Variants in DAB1 observed in about 807,000 individuals in gnomAD.
DAB1 encodes DAB adaptor protein 1.
In DAB1, 15 loss-of-function variants were observed where a neutral mutation model predicts 64.6. The ratio of observed to expected loss-of-function variants is 0.23; its 90% CI spans 0.16 to 0.36. The LOEUF (loss-of-function observed/expected upper bound fraction) is 0.36, where lower values mean the gene tolerates loss of function less well. DAB1 is among the 10% of genes least tolerant of loss of function. The pLI is 1.00. For missense variants in DAB1, 596 were observed against 706.7 expected (o/e 0.84, Z 1.78); for synonymous variants, 235 against 251.9 (o/e 0.93, Z 0.64).
At chr1:57,221,325 A>G (rs1263263018) in intron 2 of DAB1, among the ~76,000 whole-genome samples, 3 of 152,224 alleles carry the variant, frequency 2.0e-5, no homozygotes, top group African/African-American at 7.2e-5. Flanking sequence ...GCAGCACACC[A>G]ACTTGGCACA....
chr1:58,511,792 CG>C (rs1472603443), intron 2 of DAB1, among the ~76,000 whole-genome samples: 2 of 152,074 alleles, frequency 1.3e-5, no homozygotes, highest in African/African-American at 4.8e-5. Context: ...AAGATTTAAA[CG>C]TAAGACCTAA....
At chr1:57,901,143 TG>T (rs1569952073) in intron 5 of DAB1, among the ~76,000 whole-genome samples, 1 of 152,158 alleles carries the variant, frequency 6.6e-6, no homozygotes, top group South Asian at 2.1e-4. Flanking sequence ...GCCTGAGAGT[TG>T]CAGCAAGTCT....
At chr1:57,760,578 T>C (rs1007053158) in intron 6 of DAB1, among the ~76,000 whole-genome samples, 1 of 151,266 alleles carries the variant, frequency 6.6e-6, no homozygotes, top group Non-Finnish European at 1.5e-5. Flanking sequence ...CTTCTACATA[T>C]AATTCTTTCT....
chr1:57,297,284 T>C (rs1673275030), intron 1 of DAB1, among the ~76,000 whole-genome samples: 1 of 152,156 alleles, frequency 6.6e-6, no homozygotes, highest in Non-Finnish European at 1.5e-5. Flanking sequence ...CCCCTCAAAA[T>C]TATTGAGCCA....
chr1:57,363,722 G>T (rs1474985550), intron 1 of DAB1, among the ~76,000 whole-genome samples: 1 of 152,160 alleles, frequency 6.6e-6, no homozygotes, highest in Non-Finnish European at 1.5e-5. Context: ...GAGAAATGCT[G>T]AGACGCCTCA....
intron 14 of DAB1, among the ~76,000 whole-genome samples, chr1:57,006,671 G>T (rs575589893): frequency 6.0e-4 from 91 of 152,226 alleles, no homozygotes; most frequent in African/African-American, 2.1e-3. Context: ...ACTTAGGTTG[G>T]ACTTGTCATT....
chr1:57,823,321 A>G (rs1652205326), downstream of DAB1, among the ~76,000 whole-genome samples: 1 of 152,076 alleles, frequency 6.6e-6, no homozygotes, highest in African/African-American at 2.4e-5. Flanking sequence ...AATAAAAACC[A>G]TATTTTAATC....
intron 7 of DAB1, among the ~76,000 whole-genome samples, chr1:57,525,939 C>CTT (rs11299622): frequency 1.9e-3 from 257 of 137,746 alleles, no homozygotes; most frequent in African/African-American, 6.5e-3. Flanking sequence ...AATAGCATTT[C>CTT]TTTTTTTTTT....
intron 5 of DAB1, among the ~76,000 whole-genome samples, chr1:57,990,801 A>G (rs890287045): frequency 2.0e-5 from 3 of 152,318 alleles, no homozygotes. Flanking sequence ...CTCCAGCAAG[A>G]CAATCCCAGA....
At chr1:58,181,389 C>A (rs1256879001) in intron 4 of DAB1, among the ~76,000 whole-genome samples, 1 of 151,974 alleles carries the variant, frequency 6.6e-6, no homozygotes, top group East Asian at 1.9e-4. Flanking sequence ...TTTTATTATC[C>A]AGTCTGACAA....
chr1:57,465,196 G>A (rs989190000), intron 7 of DAB1, among the ~76,000 whole-genome samples: 2 of 152,186 alleles, frequency 1.3e-5, no homozygotes, highest in African/African-American at 4.8e-5. Context: ...ATTCAGCCCA[G>A]CAGTCAAAGC....
At chr1:58,363,349 T>C (rs1299162086) in intron 3 of DAB1, among the ~76,000 whole-genome samples, 6 of 152,212 alleles carry the variant, frequency 3.9e-5, no homozygotes, top group Non-Finnish European at 8.8e-5. Flanking sequence ...AATGACCCAC[T>C]GGCAGATTTT....
At chr1:58,418,748 T>C (rs901196855) in intron 3 of DAB1, among the ~76,000 whole-genome samples, 1 of 152,032 alleles carries the variant, frequency 6.6e-6, no homozygotes, top group African/African-American at 2.4e-5. Context: ...TGCAAAGTCA[T>C]GATGGGTGTT....
chr1:57,207,155 G>C (rs1557938543), intron 2 of DAB1, among the ~76,000 whole-genome samples: 1 of 151,264 alleles, frequency 6.6e-6, no homozygotes, highest in Non-Finnish European at 1.5e-5. Context: ...TTTTAGTAGA[G>C]ACAGGGTTTC....
chr1:58,308,252 C>A (rs191824024), intron 4 of DAB1, among the ~76,000 whole-genome samples: 1 of 152,160 alleles, frequency 6.6e-6, no homozygotes, highest in African/African-American at 2.4e-5. Context: ...AAAGGGATGC[C>A]CTCACATCCT....
chr1:58,014,181 G>T (rs757429431), intron 5 of DAB1, among the ~76,000 whole-genome samples: 1 of 152,110 alleles, frequency 6.6e-6, no homozygotes, highest in Non-Finnish European at 1.5e-5. Flanking sequence ...GGAGTACAAG[G>T]TTTTGAACAC....
intron 5 of DAB1, among the ~76,000 whole-genome samples, chr1:57,974,609 T>A (rs2802899): frequency 6.6e-6 from 1 of 151,978 alleles, no homozygotes; most frequent in Non-Finnish European, 1.5e-5. Flanking sequence ...TTGAAAAAGA[T>A]CCCTAGGTGA....
At chr1:57,943,282 G>C (rs946043790) in intron 5 of DAB1, among the ~76,000 whole-genome samples, 1 of 152,200 alleles carries the variant, frequency 6.6e-6, no homozygotes, top group African/African-American at 2.4e-5. Flanking sequence ...AACATATAAT[G>C]CAAGAGTAAA....
At chr1:58,338,805 C>G in intron 4 of DAB1, among the ~76,000 whole-genome samples, 1 of 152,084 alleles carries the variant, frequency 6.6e-6, no homozygotes, top group Non-Finnish European at 1.5e-5. Context: ...TATATCCATA[C>G]AATGAAAAAT....
Sources: allele counts gnomAD v4.1 joint callset (sites outside exome capture counted in the v4.1 genomes callset), GRCh38; gene constraint gnomAD v4.1.1; transcripts MANE v1.5; gene names NCBI Gene and HGNC (gene_info 2026-07-23, HGNC 2026-07-21).